Variants in RASA3 observed in about 807,000 individuals in gnomAD.
RASA3 encodes the protein ras GTPase-activating protein 3.
RASA3 carries 73 observed loss-of-function variants against 110.0 expected under a neutral mutation model. The observed-to-expected ratio is 0.66, with a 90% CI of 0.55 to 0.81. The LOEUF is 0.81. Among genes scored for constraint, RASA3 ranks in the 30% least tolerant of loss-of-function variants. The pLI, the probability that RASA3 is intolerant of heterozygous loss-of-function variation, is 0.00. For synonymous variants in RASA3, 500 were observed against 451.4 expected, an observed-to-expected ratio of 1.11 and a Z score of -1.37; for missense variants, 976 against 1,113.2, an observed-to-expected ratio of 0.88 and a Z score of 1.75.
chr13:114,122,989 G>A (rs965678364), intron 1 of RASA3, among the ~76,000 whole-genome samples: 27 of 152,240 alleles, frequency 1.8e-4, no homozygotes, highest in Admixed American at 1.3e-4. Flanking sequence ...AAAGCGCCTG[G>A]GCTGTGGTCA....
chr13:114,020,187 C>CG lies in RASA3; in HGVS notation c.785+1216dup, dbSNP rs34883568. ...AGCCTGTGTCCGAGGCATTAGCCCCCGCCAGGTGGGTGGAGCCTGTGTCCG... is the reference window on the plus strand; with the variant it reads ...AGCCTGTGTCCGAGGCATTAGCCCCCGGCCAGGTGGGTGGAGCCTGTGTCCG... On this transcript the variant is annotated intron_variant, in intron 9 of 23. Coordinates refer to ENST00000334062, the MANE Select transcript of RASA3 (RefSeq NM_007368.4). Among the ~76,000 whole-genome samples the CG allele has an allele frequency of 9.0e-4, 50 of 55,816 alleles. 13 individuals carry two copies. Among genetic ancestry groups the CG allele is most frequent in the African/African-American group, 2.0e-3 (21 of 10,302 alleles). The allele number at this position is 55,816 out of a possible 152,430, so 36.6% of individuals were successfully genotyped here. A position where few individuals can be genotyped will look rare whatever the true frequency, so the allele number is the denominator to read the frequency against.
intron 5 of RASA3, among the ~76,000 whole-genome samples, 156 bp downstream of exon 5, chr13:114,029,655 A>G (rs1260440278): frequency 7.1e-6 from 1 of 141,512 alleles, no homozygotes; most frequent in African/African-American, 2.8e-5. Context: ...CTAAAACAGC[A>G]TCATCCTGGT....
chr13:114,127,589 C>G (rs2080467830), intron 1 of RASA3, among the ~76,000 whole-genome samples: 1 of 152,180 alleles, frequency 6.6e-6, no homozygotes, highest in South Asian at 2.1e-4. Flanking sequence ...CCATTCCAAT[C>G]CAAGATCACA....
chr13:114,030,818 TG>T (rs1362402077), intron 4 of RASA3, among the ~76,000 whole-genome samples: 1 of 151,894 alleles, frequency 6.6e-6, no homozygotes, highest in African/African-American at 2.4e-5. Flanking sequence ...CCTGTGTCTG[TG>T]CATCTGGCTG....
intron 19 of RASA3, 90 bp downstream of exon 19, chr13:114,000,736 T>TC (rs2053374984): frequency 1.0e-6 from 1 of 977,640 alleles, no homozygotes; most frequent in East Asian, 2.4e-5. Context: ...GAATCCTTCC[T>TC]CCCCTCAGCT....
intron 12 of RASA3, among the ~76,000 whole-genome samples, 200 bp from the exon 13 acceptor site, chr13:114,016,471 C>T (rs917494121): frequency 1.3e-5 from 2 of 152,148 alleles, no homozygotes; most frequent in Non-Finnish European, 2.9e-5. Flanking sequence ...GTGGTGTCGT[C>T]CCGAGCCTCA....
rs369909364 is a variant in RASA3 at position 114,002,807 on chromosome 13, G to A, written c.1743-1875C>T. ...GGTTTTCTAACCGGGCCCATCGCGC[G>A]TGTGGGACGGGGAGGCAGGAGCCAC... On this transcript the variant is annotated intron_variant, in intron 18 of 23. Coordinates refer to ENST00000334062, the MANE Select transcript of RASA3 (RefSeq NM_007368.4). Among the ~76,000 whole-genome samples, 19 of 152,294 alleles carry A rather than the reference G, an allele frequency of 1.2e-4. No individual in the cohort carries two copies. In the South Asian group the frequency reaches 2.3e-3, roughly 18 times the overall value.
intron 4 of RASA3, among the ~76,000 whole-genome samples, chr13:114,033,271 T>C (rs868789993): frequency 2.1e-3 from 61 of 29,248 alleles, no homozygotes; most frequent in East Asian, 4.7e-3. Context: ...CCACGTTCCA[T>C]GGCACCCCCA....
intron 1 of RASA3, among the ~76,000 whole-genome samples, chr13:114,083,425 T>A (rs118078793): frequency 0.014 from 2,071 of 152,134 alleles, 137 homozygotes; most frequent in Admixed American, 0.1. Context: ...CAGGGCCCCG[T>A]TCAGAGGCAC....
intron 1 of RASA3, among the ~76,000 whole-genome samples, chr13:114,104,521 G>A (rs1004669783): frequency 2.6e-5 from 4 of 152,130 alleles, no homozygotes; most frequent in Non-Finnish European, 4.4e-5. Flanking sequence ...CATCAGGGGC[G>A]GGAACTCCGG....
At chr13:114,047,848 G>A (rs1363325660) in intron 3 of RASA3, among the ~76,000 whole-genome samples, 1 of 152,246 alleles carries the variant, frequency 6.6e-6, no homozygotes. Context: ...GCTGCCCGGG[G>A]CTGTGGGCCA....
At chr13:114,072,689 C>T (rs1205822449) in intron 2 of RASA3, among the ~76,000 whole-genome samples, 1 of 152,204 alleles carries the variant, frequency 6.6e-6, no homozygotes, top group Non-Finnish European at 1.5e-5. Flanking sequence ...CACATCCACG[C>T]ACCACCAAGG....
intron 2 of RASA3, among the ~76,000 whole-genome samples, chr13:114,059,058 T>A (rs2079293926): frequency 6.6e-6 from 1 of 151,994 alleles, no homozygotes; most frequent in Non-Finnish European, 1.5e-5. Flanking sequence ...ATTAGATGGG[T>A]TTGGTGGCGC....
intron 16 of RASA3, among the ~76,000 whole-genome samples, chr13:114,010,810 T>TGGGGAGGAGGGGGCCGCGGGGGGAGG (rs1225559439): frequency 9.1e-5 from 1 of 11,040 alleles, no homozygotes; most frequent in African/African-American, 3.2e-4. Flanking sequence ...GCGAGGGGAG[T>TGGGGAGGAGGGGGCCGCGGGGGGAGG]AGGGGGCTGC....
chr13:114,122,039 C>T (rs1165284205), intron 1 of RASA3, among the ~76,000 whole-genome samples: 1 of 152,226 alleles, frequency 6.6e-6, no homozygotes, highest in East Asian at 1.9e-4. Flanking sequence ...TGGGGCCCAC[C>T]GCAAATCCCA....
In RASA3 at chr13:114,052,109, G is replaced by A. The variant is rs755883796; in HGVS notation, c.220C>T (p.Arg74Cys). 3.7e-6 allele frequency: 6 copies of A among 1,613,496 alleles called. No individual in the cohort carries two copies. Among genetic ancestry groups the A allele is most frequent in the Non-Finnish European group, 5.1e-6 (6 of 1,179,738 alleles). Residue 74 changes from arginine (R) to cysteine (C), a missense_variant, in exon 3 of 24, where the codon CGT (arginine) becomes TGT (cysteine). Coordinates refer to ENST00000334062, the MANE Select transcript of RASA3 (RefSeq NM_007368.4). ...TCGAAAATGTAGAAGGACAGGTGAC[G>A]AAAGCTCCGAGGAATTTCACAGTAA... is the stretch of plus-strand genomic sequence containing the variant. ...DFYCEIPRSF[R>C]HLSFYIFDRD... is the part of the protein sequence containing the mutation.
At chr13:114,012,138 C>G (rs899936352) in intron 15 of RASA3, among the ~76,000 whole-genome samples, 3 of 152,046 alleles carry the variant, frequency 2.0e-5, no homozygotes, top group Admixed American at 6.5e-5. Flanking sequence ...CATCAATACT[C>G]CATATGTGAT....
intron 2 of RASA3, among the ~76,000 whole-genome samples, chr13:114,062,354 C>T (rs538566261): frequency 6.6e-5 from 10 of 152,148 alleles, no homozygotes; most frequent in Admixed American, 3.9e-4. Context: ...TCAGACCCAC[C>T]GGGATGGCTG....
chr13:114,093,523 G>C (rs1306057350), intron 1 of RASA3, among the ~76,000 whole-genome samples: 1 of 152,088 alleles, frequency 6.6e-6, no homozygotes, highest in Admixed American at 6.6e-5. Context: ...TTTGATTATA[G>C]TATGTCTTAT....
Sources: allele counts gnomAD v4.1 joint callset (sites outside exome capture counted in the v4.1 genomes callset), GRCh38; gene constraint gnomAD v4.1.1; transcripts MANE v1.5; gene names NCBI Gene and HGNC (gene_info 2026-07-23, HGNC 2026-07-21).